The following PTPRD variants were observed in gnomAD, a reference collection of about 807,000 sequenced individuals.
PTPRD encodes the protein receptor-type tyrosine-protein phosphatase delta.
PTPRD carries 34 observed loss-of-function variants against 214.5 expected under a neutral mutation model. That is an observed-to-expected ratio of 0.16 (90% confidence interval 0.12 to 0.21). The LOEUF (loss-of-function observed/expected upper bound fraction) is 0.21, where lower values mean the gene tolerates loss of function less well. PTPRD is among the 10% of genes least tolerant of loss of function. PTPRD has a pLI of 1.00. For synonymous variants in PTPRD, 1,128 were observed against 845.7 expected (o/e 1.33, Z -5.79); for missense variants, 2,545 against 2,398.7 (o/e 1.06, Z -1.27).
At chr9:8,797,195 C>A (rs1434759623) in intron 11 of PTPRD, 1 of 152,132 alleles carries the variant, frequency 6.6e-6, no homozygotes, top group Non-Finnish European at 1.5e-5. Flanking sequence ...GAAAGCCCCC[C>A]ACCATGAAAA....
rs1432319279 is a variant in PTPRD at position 8,730,818 on chromosome 9, C to A, written c.64+2962G>T. ...AAACCACAAAACTGGTTGGCCAGCCCTGAAGAAGAGCTTACTCATGCTGCT... is the reference window on the plus strand; with the variant it reads ...AAACCACAAAACTGGTTGGCCAGCCATGAAGAAGAGCTTACTCATGCTGCT... On this transcript the variant is annotated intron_variant, in intron 12 of 45. Transcript: ENST00000381196. 5.3e-5 allele frequency among the ~76,000 whole-genome samples: 8 copies of A among 152,282 alleles called. No homozygotes were observed. The East Asian group carries it at 1.2e-3, about 22-fold the overall frequency.
intron 2 of PTPRD, among the ~76,000 whole-genome samples, chr9:10,391,261 A>G (rs1321437822): frequency 6.6e-6 from 1 of 151,814 alleles, no homozygotes; most frequent in Non-Finnish European, 1.5e-5. Context: ...TATCAGGATG[A>G]GAGATATTTG....
intron 4 of PTPRD, among the ~76,000 whole-genome samples, chr9:9,943,206 C>G (rs1415028974): frequency 6.6e-6 from 1 of 152,086 alleles, no homozygotes; most frequent in African/African-American, 2.4e-5. Flanking sequence ...GTTAGATATC[C>G]TAATAGGCAG....
At position 9,858,615 on chromosome 9, in the gene PTPRD, C is replaced by T. The variant is rs1006910588; in HGVS notation, c.-368+79892G>A. Among the ~76,000 whole-genome samples the T allele has an allele frequency of 4.6e-5, 7 of 152,230 alleles. No homozygotes were observed. The East Asian group carries it at 1.2e-3, about 25-fold the overall frequency. On this transcript the variant is annotated intron_variant, in intron 5 of 45. Coordinates refer to ENST00000381196, the MANE Select transcript of PTPRD (RefSeq NM_002839.4). ...ATGAAGCAGCAGTTAGCCATTGGTC[C>T]GTGTCTCAGTTTCTTAATTATTAGT...
At chr9:9,649,506 C>T (rs1426014054) in intron 7 of PTPRD, among the ~76,000 whole-genome samples, 4 of 151,988 alleles carry the variant, frequency 2.6e-5, no homozygotes, top group Admixed American at 2.6e-4. Context: ...GTCTTCTAAA[C>T]AGAAAAACAA....
At position 8,922,433 on chromosome 9, in the gene PTPRD, A is replaced by C. The variant is rs187999344; in HGVS notation, c.-104+96264T>G. 6.7e-4 allele frequency among the ~76,000 whole-genome samples: 102 copies of C among 152,270 alleles called. 1 individual carries two copies. Among genetic ancestry groups the C allele is most frequent in the African/African-American group, 2.4e-3 (100 of 41,534 alleles). ...CCATTACTCCATGGTCGTATCCCTT[A>C]CCTCCTACGAATATGAGAATACAAA... is the stretch of plus-strand genomic sequence containing the variant. On this transcript the variant is annotated intron_variant, in intron 11 of 45. Transcript: ENST00000381196.
chr9:9,077,593 AAACT>A (rs1252730706), intron 10 of PTPRD, among the ~76,000 whole-genome samples: 3 of 152,056 alleles, frequency 2.0e-5, no homozygotes, highest in African/African-American at 2.4e-5. Flanking sequence ...CAGTTTTCTA[AAACT>A]AATAGCGGAG....
chr9:10,041,987 G>T (rs1415487532), intron 3 of PTPRD, among the ~76,000 whole-genome samples: 1 of 152,014 alleles, frequency 6.6e-6, no homozygotes, highest in East Asian at 1.9e-4. Context: ...AGCAGCATCT[G>T]CAGTACTACA....
chr9:8,559,204 A>G (rs1480929144), intron 14 of PTPRD, among the ~76,000 whole-genome samples: 4 of 152,228 alleles, frequency 2.6e-5, no homozygotes, highest in Non-Finnish European at 5.9e-5. Context: ...TACAGTAGAA[A>G]AATTATACTT....
chr9:10,077,550 G>A (rs926397325), intron 3 of PTPRD, among the ~76,000 whole-genome samples: 2 of 152,068 alleles, frequency 1.3e-5, no homozygotes, highest in African/African-American at 4.8e-5. Context: ...ATACAGATAA[G>A]TTGCATGTCA....
At chr9:8,366,405 G>T (rs1255445217) in intron 39 of PTPRD, among the ~76,000 whole-genome samples, 1 of 152,218 alleles carries the variant, frequency 6.6e-6, no homozygotes, top group Non-Finnish European at 1.5e-5. Context: ...GGGGGAAGTG[G>T]AAGAGGTATT....
intron 9 of PTPRD, among the ~76,000 whole-genome samples, chr9:9,187,779 G>C (rs1350375574): frequency 6.7e-6 from 1 of 149,508 alleles, no homozygotes; most frequent in Non-Finnish European, 1.5e-5. Context: ...AGAATAAGAG[G>C]ATTTTTTTTT....
chr9:10,020,427 G>A (rs1012659485), intron 4 of PTPRD, among the ~76,000 whole-genome samples: 21 of 141,320 alleles, frequency 1.5e-4, no homozygotes, highest in East Asian at 1.3e-3. Context: ...TCAGCCTCCC[G>A]AGTAGCTGGG....
intron 8 of PTPRD, among the ~76,000 whole-genome samples, chr9:9,543,282 G>A (rs968906939): frequency 3.3e-5 from 5 of 151,606 alleles, no homozygotes; most frequent in African/African-American, 1.2e-4. Flanking sequence ...TTCAGAAAAT[G>A]TTGCCACTGG....
intron 7 of PTPRD, among the ~76,000 whole-genome samples, chr9:9,671,684 G>C (rs1459819243): frequency 6.6e-6 from 1 of 152,106 alleles, no homozygotes; most frequent in Non-Finnish European, 1.5e-5. Context: ...CACAAGATCT[G>C]ATGGTTTCAT....
rs150776854 is a variant in PTPRD, at chr9:8,990,159, G to A, written c.-104+28538C>T. Among the ~76,000 whole-genome samples the A allele has an allele frequency of 3.0e-3, 455 of 152,166 alleles. 19 individuals are homozygous for A. In the East Asian group the frequency reaches 0.06, roughly 20 times the overall value. ...CCAAGTACTTCCATGCACACTAAGA[G>A]TACAAGTTTACATGGAAAATCTGTG... On this transcript the variant is annotated intron_variant, in intron 11 of 45. Transcript: ENST00000381196.
intron 8 of PTPRD, among the ~76,000 whole-genome samples, chr9:9,446,563 T>C (rs1376576210): frequency 6.6e-6 from 1 of 152,160 alleles, no homozygotes; most frequent in Non-Finnish European, 1.5e-5. Flanking sequence ...GTCTCTTCAA[T>C]TGATATTTAT....
At chr9:8,663,204 C>A (rs1466553505) in intron 12 of PTPRD, among the ~76,000 whole-genome samples, 1 of 149,958 alleles carries the variant, frequency 6.7e-6, no homozygotes, top group Non-Finnish European at 1.5e-5. Context: ...GAATATTTTT[C>A]AAACATGTTT....
At chr9:10,380,020 C>T (rs1036376874) in intron 2 of PTPRD, among the ~76,000 whole-genome samples, 2 of 152,100 alleles carry the variant, frequency 1.3e-5, no homozygotes, top group South Asian at 2.1e-4. Flanking sequence ...AATGCGGTGG[C>T]ACAAGCATTA....
Sources: gnomAD v4.1 joint callset for allele counts (sites outside exome capture counted in the v4.1 genomes callset) on GRCh38, gnomAD v4.1.1 for gene constraint, MANE v1.5 for transcripts, NCBI Gene and HGNC (gene_info 2026-07-23, HGNC 2026-07-21) for gene names.